LRIG1: variants seen among roughly 807,000 people sequenced by gnomAD.
LRIG1 encodes the protein leucine rich repeats and immunoglobulin like domains 1.
LRIG1 carries 48 observed loss-of-function variants against 99.2 expected under a neutral mutation model. That is an observed-to-expected ratio of 0.48 (90% CI 0.38 to 0.62). The LOEUF (loss-of-function observed/expected upper bound fraction) is 0.62, where lower values mean the gene tolerates loss of function less well. Among genes scored for constraint, LRIG1 ranks in the 20% least tolerant of loss-of-function variants. The probability of loss-of-function intolerance (pLI) is 0.00; values close to 1 mark genes in which losing one functional copy is unlikely to be tolerated. For missense variants in LRIG1, 1,646 were observed against 1,434.4 expected (o/e 1.15, Z -2.38); for synonymous variants, 772 against 596.1 (o/e 1.29, Z -4.30).
intron 3 of LRIG1, among the ~76,000 whole-genome samples, chr3:66,433,305 G>A (rs947605523): frequency 1.3e-5 from 2 of 152,246 alleles, no homozygotes; most frequent in African/African-American, 4.8e-5. Flanking sequence ...TCTCTGGAGT[G>A]ACAGTGGCAC....
intron 3 of LRIG1, among the ~76,000 whole-genome samples, chr3:66,433,502 C>T (rs1448639897): frequency 6.6e-6 from 1 of 152,228 alleles, no homozygotes; most frequent in Non-Finnish European, 1.5e-5. Context: ...GAAGCTGTTT[C>T]AGCACTTGGC....
At chr3:66,481,294 G>A (rs1700845445) in intron 1 of LRIG1, among the ~76,000 whole-genome samples, 1 of 152,208 alleles carries the variant, frequency 6.6e-6, no homozygotes, top group South Asian at 2.1e-4. Context: ...CACTTTCAGA[G>A]TGCAAAGTTC....
At chr3:66,497,480 T>C (rs1701252825) in intron 1 of LRIG1, among the ~76,000 whole-genome samples, 1 of 152,116 alleles carries the variant, frequency 6.6e-6, no homozygotes, top group South Asian at 2.1e-4. Context: ...AGTTGGACCA[T>C]GCCAATCTCA....
intron 1 of LRIG1, among the ~76,000 whole-genome samples, chr3:66,494,376 T>A (rs1021563951): frequency 6.6e-6 from 1 of 152,198 alleles, no homozygotes; most frequent in Non-Finnish European, 1.5e-5. Context: ...CAAGAGCCCC[T>A]GCATATTTAA....
chr3:66,381,724 A>T (rs900525175), intron 16 of LRIG1, 93 bp from the exon 17 acceptor site: 7 of 1,423,518 alleles, frequency 4.9e-6, no homozygotes, highest in African/African-American at 1.4e-5. Flanking sequence ...TAGAACAGTC[A>T]TTTTTTTTAA....
At chr3:66,382,926 C>T in intron 15 of LRIG1, 56 bp downstream of exon 15, 1 of 1,516,032 alleles carries the variant, frequency 6.6e-7, no homozygotes. Context: ...CCCAGTTCCC[C>T]AGCATCACTG....
At chr3:66,412,745 C>T (rs1420286701) in intron 6 of LRIG1, 126 bp downstream of exon 6, 8 of 1,081,690 alleles carry the variant, frequency 7.4e-6, no homozygotes, top group Non-Finnish European at 1.1e-5. Context: ...CTGGTGTGGG[C>T]GCACACACCC....
chr3:66,497,704 C>CCAAAAA (rs1553727956), intron 1 of LRIG1, among the ~76,000 whole-genome samples: 1 of 89,266 alleles, frequency 1.1e-5, no homozygotes, highest in African/African-American at 4.8e-5. Context: ...GCACTGTTTA[C>CCAAAAA]AAAAAAAAAA....
chr3:66,388,758 C>A (rs924959554), intron 12 of LRIG1, among the ~76,000 whole-genome samples: 1 of 152,070 alleles, frequency 6.6e-6, no homozygotes, highest in Non-Finnish European at 1.5e-5. Context: ...AAAAACCTAT[C>A]CTTCAAAAAT....
intron 3 of LRIG1, among the ~76,000 whole-genome samples, chr3:66,425,010 T>C (rs986920386): frequency 1.3e-5 from 2 of 152,216 alleles, no homozygotes; most frequent in African/African-American, 4.8e-5. Flanking sequence ...CTTAATGATA[T>C]TTTCAACTTA....
At chr3:66,394,399 A>C (rs1376844446) in intron 11 of LRIG1, among the ~76,000 whole-genome samples, 196 bp from the exon 12 acceptor site, 2 of 152,218 alleles carry the variant, frequency 1.3e-5, no homozygotes, top group African/African-American at 4.8e-5. Context: ...AGATTTTGAA[A>C]AAATGCAGTT....
intron 9 of LRIG1, among the ~76,000 whole-genome samples, chr3:66,399,609 A>G (rs1007215197): frequency 9.2e-5 from 14 of 152,138 alleles, no homozygotes; most frequent in Admixed American, 6.5e-5. Flanking sequence ...TCTCTACAAA[A>G]ACTAAAAAAT....
chr3:66,383,166 C>T lies in LRIG1; in HGVS notation c.2307G>A (p.Leu769=). The T allele has an allele frequency of 6.2e-7, 1 of 1,614,246 alleles. No homozygotes were observed. Among genetic ancestry groups the T allele is most frequent in the Non-Finnish European group, 8.5e-7 (1 of 1,180,050 alleles). Reference sequence around the variant, plus strand: ...GCTGGCTGTGAGCTCGCTCCGTGCCCAGGGTGTTGGACATCTCACAGGTAT... The same window carrying T: ...GCTGGCTGTGAGCTCGCTCCGTGCCTAGGGTGTTGGACATCTCACAGGTAT... ...GRYTCEMSNT[L]GTERAHSQLS... is the part of the protein sequence containing the mutation. Residue 769 remains leucine, a synonymous_variant, in exon 15 of 19, where the codon CTG becomes CTA. Coordinates refer to ENST00000273261, the MANE Select transcript of LRIG1 (RefSeq NM_015541.3).
chr3:66,416,075 G>T (rs148976317), intron 4 of LRIG1, among the ~76,000 whole-genome samples: 1 of 152,190 alleles, frequency 6.6e-6, no homozygotes, highest in Non-Finnish European at 1.5e-5. Flanking sequence ...GTGTGATGAA[G>T]ATATATCACC....
Position 66,500,666 on chromosome 3 carries a change from C to A in LRIG1, c.-259G>T. 3.5e-6 allele frequency: 1 copy of A among 283,666 alleles called. No individual in the cohort carries two copies. The highest frequency in any genetic ancestry group is 6.5e-6 in the Non-Finnish European group (1 of 153,254). The allele number at this position is 283,666 out of a possible 1,614,324, so 17.6% of individuals were successfully genotyped here. On this transcript the variant is annotated 5_prime_UTR_variant, in exon 1 of 19. Coordinates refer to ENST00000273261, the MANE Select transcript of LRIG1 (RefSeq NM_015541.3). Reference sequence around the variant, plus strand: ...CCGGCCCGCCCGCGCTAGCTGCGAACTCCGCCGATTCGGGCAAGGTGTACC... The same window carrying A: ...CCGGCCCGCCCGCGCTAGCTGCGAAATCCGCCGATTCGGGCAAGGTGTACC...
intron 3 of LRIG1, among the ~76,000 whole-genome samples, chr3:66,421,138 G>A (rs1702795783): frequency 6.6e-6 from 1 of 152,118 alleles, no homozygotes; most frequent in Non-Finnish European, 1.5e-5. Flanking sequence ...AATTGTGGGA[G>A]TCAATTCAAG....
chr3:66,389,558 C>G (rs1701533637), intron 12 of LRIG1, among the ~76,000 whole-genome samples: 1 of 152,036 alleles, frequency 6.6e-6, no homozygotes. Flanking sequence ...GGCTTTAAGA[C>G]AGGAGTTTTT....
At chr3:66,430,184 CAACAACAAA>C (rs1449120493) in intron 3 of LRIG1, among the ~76,000 whole-genome samples, 1 of 128,956 alleles carries the variant, frequency 7.8e-6, no homozygotes, top group Non-Finnish European at 1.6e-5. Context: ...ACAACAACAA[CAACAACAAA>C]AAAAAAACAC....
Position 66,500,320 on chromosome 3 carries a change from G to A in LRIG1, c.88C>T (p.Pro30Ser). 1 of 1,487,578 alleles carries A rather than the reference G, an allele frequency of 6.7e-7. No homozygotes were observed. The highest frequency in any genetic ancestry group is 2.7e-5 in the East Asian group (1 of 36,820). 92.1% of individuals were successfully genotyped at this position (1,487,578 alleles called of 1,614,324 possible). ...LLWLLLLRLE[P>S]VTAAAGPRAP... ...CGCGGGCCGGCCGCGGCGGTCACCG[G>A]CTCCAGCCGAAGCAAAAGCAGCCAG... is the stretch of plus-strand genomic sequence containing the variant. The change falls in exon 1 of 19, where the codon CCG becomes TCG. Residue 30 changes from proline (P) to serine (S), a missense_variant. Pro to Ser is a moderately conservative substitution (Grantham distance 74, BLOSUM62 -1). Coordinates refer to ENST00000273261, the MANE Select transcript of LRIG1 (RefSeq NM_015541.3).
Sources: allele counts gnomAD v4.1 joint callset (sites outside exome capture counted in the v4.1 genomes callset), GRCh38; gene constraint gnomAD v4.1.1; transcripts MANE v1.5; gene names NCBI Gene and HGNC (gene_info 2026-07-23, HGNC 2026-07-21).